Variants in RPS6KA5 observed in about 807,000 individuals in gnomAD.
RPS6KA5 encodes the protein ribosomal protein S6 kinase alpha-5.
A neutral mutation model predicts 85.5 loss-of-function variants in RPS6KA5; 27 were observed. The ratio of observed to expected loss-of-function variants is 0.32; its 90% CI spans 0.23 to 0.44. The LOEUF is 0.44. Among genes scored for constraint, RPS6KA5 ranks in the 20% least tolerant of loss-of-function variants. The probability of loss-of-function intolerance (pLI) is 1.00; values close to 1 mark genes in which losing one functional copy is unlikely to be tolerated. For synonymous variants in RPS6KA5, 334 were observed against 348.2 expected (o/e 0.96, Z 0.46); for missense variants, 811 against 980.9 (o/e 0.83, Z 2.31).
chr14:90,991,670 T>TCAGCCTGGGTGACAGAGTGAGACTC, intron 2 of RPS6KA5, among the ~76,000 whole-genome samples: 1 of 129,228 alleles, frequency 7.7e-6, no homozygotes, highest in Non-Finnish European at 1.6e-5. Context: ...CCACTGAACT[T>TCAGCCTGGGTGACAGAGTGAGACTC]CAGCCTGGGT....
intron 14 of RPS6KA5, among the ~76,000 whole-genome samples, chr14:90,881,366 T>C (rs903724317): frequency 1.3e-5 from 2 of 151,240 alleles, no homozygotes; most frequent in Non-Finnish European, 2.9e-5. Context: ...GGCATGAGAA[T>C]TGCCTGAACT....
rs949233294 is a variant in RPS6KA5 at position 90,881,949 on chromosome 14, T to C, written c.1837-6589A>G. Among the ~76,000 whole-genome samples the C allele has an allele frequency of 2.6e-5, 4 of 152,396 alleles. No homozygotes were observed. In the Middle Eastern group the frequency reaches 0.01, roughly 389 times the overall value. ...AATCCATTATGCCAATCTTTGACCT[T>C]TGATTAGAGTTTAATCCATTTGCAT... On this transcript the variant is annotated intron_variant, in intron 14 of 16. Coordinates refer to ENST00000614987, the MANE Select transcript of RPS6KA5 (RefSeq NM_004755.4).
chr14:90,899,263 G>T, intron 12 of RPS6KA5, 66 bp downstream of exon 12: 2 of 1,134,372 alleles, frequency 1.8e-6, no homozygotes, highest in Non-Finnish European at 2.6e-6. Flanking sequence ...AACAAAACGC[G>T]TGAAAAGTAC....
chr14:90,998,968 G>A (rs1433643880), intron 2 of RPS6KA5, among the ~76,000 whole-genome samples: 2 of 152,156 alleles, frequency 1.3e-5, no homozygotes, highest in African/African-American at 2.4e-5. Flanking sequence ...GATGGCTCAC[G>A]TCTGTAATAC....
chr14:90,947,144 A>G (rs1375452399), intron 4 of RPS6KA5, among the ~76,000 whole-genome samples: 3 of 152,366 alleles, frequency 2.0e-5, no homozygotes, highest in Non-Finnish European at 1.5e-5. Context: ...TATTTTAACA[A>G]TTAAAAGCTT....
chr14:90,882,455 C>T (rs2033902590), intron 14 of RPS6KA5, among the ~76,000 whole-genome samples: 2 of 152,204 alleles, frequency 1.3e-5, no homozygotes, highest in Non-Finnish European at 2.9e-5. Flanking sequence ...CTTGTATTTA[C>T]CTTTATTGAC....
chr14:91,059,606 G>A (rs553322841), intron 1 of RPS6KA5, among the ~76,000 whole-genome samples: 123 of 152,322 alleles, frequency 8.1e-4, no homozygotes, highest in African/African-American at 2.7e-3. Context: ...TTAGGACAAC[G>A]CTAGTGATCT....
At chr14:90,913,565 G>T (rs1413178734) in intron 7 of RPS6KA5, among the ~76,000 whole-genome samples, 1 of 152,160 alleles carries the variant, frequency 6.6e-6, no homozygotes, top group African/African-American at 2.4e-5. Flanking sequence ...CTACTAGACT[G>T]GCTTGTTAGA....
chr14:91,053,669 G>A (rs979052228), intron 1 of RPS6KA5, among the ~76,000 whole-genome samples: 3 of 152,072 alleles, frequency 2.0e-5, no homozygotes, highest in East Asian at 1.9e-4. Context: ...CTCCTTAAAC[G>A]GAAAAACGTT....
chr14:90,982,199 T>C (rs148235661), intron 2 of RPS6KA5, among the ~76,000 whole-genome samples: 94 of 152,272 alleles, frequency 6.2e-4, no homozygotes, highest in African/African-American at 2.0e-3. Flanking sequence ...TCATTCACTA[T>C]GTGTGCCCTG....
At chr14:90,933,586 A>C (rs1379713870) in intron 5 of RPS6KA5, among the ~76,000 whole-genome samples, 1 of 152,130 alleles carries the variant, frequency 6.6e-6, no homozygotes, top group Non-Finnish European at 1.5e-5. Flanking sequence ...TTCTATCTGG[A>C]CCTCATGTTT....
chr14:90,954,719 G>A (rs1466082592), intron 3 of RPS6KA5, among the ~76,000 whole-genome samples: 1 of 152,090 alleles, frequency 6.6e-6, no homozygotes, highest in Non-Finnish European at 1.5e-5. Flanking sequence ...AGGCCTGTGG[G>A]TAGTGGTGGT....
At chr14:90,873,907 C>T in intron 15 of RPS6KA5, 112 bp from the exon 16 acceptor site, 1 of 774,438 alleles carries the variant, frequency 1.3e-6, no homozygotes, top group Non-Finnish European at 2.0e-6. Context: ...TTCTATATAG[C>T]TTTAACCTCC....
chr14:90,915,446 G>A (rs557534678), intron 7 of RPS6KA5, among the ~76,000 whole-genome samples: 1 of 152,232 alleles, frequency 6.6e-6, no homozygotes, highest in Non-Finnish European at 1.5e-5. Flanking sequence ...TCAGGTTAGA[G>A]CAGCCCACAT....
chr14:90,938,183 C>T (rs149221573), intron 5 of RPS6KA5, among the ~76,000 whole-genome samples: 4,108 of 152,262 alleles, frequency 0.027, 164 homozygotes, highest in African/African-American at 0.092. Context: ...CAAAATCCAG[C>T]GGGGCAGTCA....
At position 90,864,955 on chromosome 14, in the gene RPS6KA5, G is replaced by T. The variant is rs981095002; in HGVS notation, c.*7119C>A. 2 of 152,190 alleles carry T rather than the reference G, an allele frequency of 1.3e-5. No individual in the cohort carries two copies. Among genetic ancestry groups the T allele is most frequent in the Non-Finnish European group, 2.9e-5 (2 of 68,032 alleles). The allele number at this position is 152,190 out of a possible 1,614,324, so 9.4% of individuals were successfully genotyped here. On this transcript the variant is annotated 3_prime_UTR_variant, in exon 17 of 17. Transcript: ENST00000614987. ...AGAACTAGAACACTTACACATTATTGGTGGGTATGTAAATTGGTACAACCA... is the reference window on the plus strand; with the variant it reads ...AGAACTAGAACACTTACACATTATTTGTGGGTATGTAAATTGGTACAACCA...
intron 2 of RPS6KA5, among the ~76,000 whole-genome samples, chr14:90,991,504 C>A (rs933826177): frequency 5.9e-5 from 9 of 151,960 alleles, no homozygotes; most frequent in African/African-American, 2.2e-4. Flanking sequence ...GAGTTTGAGA[C>A]CAGCCTGGCT....
At chr14:90,895,650 C>T (rs913169844) in intron 12 of RPS6KA5, among the ~76,000 whole-genome samples, 4 of 152,126 alleles carry the variant, frequency 2.6e-5, no homozygotes, top group African/African-American at 9.7e-5. Context: ...CATTTAGAGG[C>T]CAGGGTGAGA....
chr14:90,922,345 A>G (rs2036439777), intron 6 of RPS6KA5, among the ~76,000 whole-genome samples: 1 of 152,250 alleles, frequency 6.6e-6, no homozygotes, highest in African/African-American at 2.4e-5. Flanking sequence ...ACCATTCATC[A>G]CGACTCAGAC....
Sources: allele counts gnomAD v4.1 joint callset (sites outside exome capture counted in the v4.1 genomes callset), GRCh38; gene constraint gnomAD v4.1.1; transcripts MANE v1.5; gene names NCBI Gene and HGNC (gene_info 2026-07-23, HGNC 2026-07-21).